HECW2: variants seen among roughly 807,000 people sequenced by gnomAD.
HECW2 encodes the protein E3 ubiquitin-protein ligase HECW2.
In HECW2, 61 loss-of-function variants were observed where a neutral mutation model predicts 175.2. The ratio of observed to expected loss-of-function variants is 0.35; its 90% confidence interval spans 0.28 to 0.43. The LOEUF (loss-of-function observed/expected upper bound fraction) is 0.43. HECW2 is among the 20% of genes least tolerant of loss of function. HECW2 has a pLI of 1.00. For synonymous variants in HECW2, 671 were observed against 731.0 expected (o/e 0.92, Z 1.32); for missense variants, 1,524 against 2,000.5 (o/e 0.76, Z 4.54).
chr2:196,245,143 A>G (rs1040202770), intron 19 of HECW2, among the ~76,000 whole-genome samples: 57 of 152,224 alleles, frequency 3.7e-4, no homozygotes, highest in African/African-American at 1.3e-3. Context: ...TAGATAAGCA[A>G]GAAAGAAGAA....
At chr2:196,362,017 G>A (rs1462661741) in intron 2 of HECW2, 37 of 985,288 alleles carry the variant, frequency 3.8e-5, no homozygotes, top group Admixed American at 6.2e-5. Context: ...TCCACTTCAC[G>A]GATGCTCCTG....
At chr2:196,264,863 G>C (rs534149136) in intron 17 of HECW2, among the ~76,000 whole-genome samples, 1 of 152,312 alleles carries the variant, frequency 6.6e-6, no homozygotes, top group East Asian at 1.9e-4. Flanking sequence ...ATAGATGACA[G>C]GTTCTAAGAA....
intron 1 of HECW2, among the ~76,000 whole-genome samples, chr2:196,588,224 C>T (rs544870259): frequency 7.7e-4 from 117 of 152,294 alleles, no homozygotes; most frequent in African/African-American, 2.8e-3. Context: ...GGTCAGAGAT[C>T]TTTGTTTTAT....
At chr2:196,295,107 T>C (rs1378717348) in intron 13 of HECW2, among the ~76,000 whole-genome samples, 1 of 152,174 alleles carries the variant, frequency 6.6e-6, no homozygotes, top group Non-Finnish European at 1.5e-5. Context: ...TTTTGAGTCA[T>C]ATTTCAACCG....
At chr2:196,373,660 A>G (rs1363824959) in intron 2 of HECW2, among the ~76,000 whole-genome samples, 1 of 152,210 alleles carries the variant, frequency 6.6e-6, no homozygotes, top group Non-Finnish European at 1.5e-5. Context: ...AAATTTAACA[A>G]CTTCCTTCAG....
At chr2:196,500,281 G>C (rs1687531629) in intron 1 of HECW2, among the ~76,000 whole-genome samples, 1 of 152,154 alleles carries the variant, frequency 6.6e-6, no homozygotes, top group Non-Finnish European at 1.5e-5. Flanking sequence ...GGAGGGGAGG[G>C]AAAGAAATTC....
At chr2:196,394,035 G>C (rs1375890537) in intron 2 of HECW2, among the ~76,000 whole-genome samples, 2 of 151,910 alleles carry the variant, frequency 1.3e-5, no homozygotes, top group Non-Finnish European at 1.5e-5. Context: ...CCATCATTCT[G>C]AGCAAACTAT....
At chr2:196,463,940 TGATC>T (rs1696845025) in intron 1 of HECW2, among the ~76,000 whole-genome samples, 1 of 152,188 alleles carries the variant, frequency 6.6e-6, no homozygotes, top group Non-Finnish European at 1.5e-5. Context: ...AGTACTATTT[TGATC>T]TACTTTCCCA....
At chr2:196,448,456 T>C (rs1244147338) in intron 1 of HECW2, among the ~76,000 whole-genome samples, 1 of 152,172 alleles carries the variant, frequency 6.6e-6, no homozygotes, top group East Asian at 1.9e-4. Flanking sequence ...GGCTTCTGGG[T>C]TACAACTGGG....
At chr2:196,410,741 T>G (rs1373639780) in intron 2 of HECW2, among the ~76,000 whole-genome samples, 1 of 152,220 alleles carries the variant, frequency 6.6e-6, no homozygotes, top group African/African-American at 2.4e-5. Flanking sequence ...AACAGGACAC[T>G]GAACTTCAGT....
Position 196,225,756 on chromosome 2 carries a change from A to G in HECW2, c.4016+16T>C, listed in dbSNP as rs374660066. On this transcript the variant is annotated intron_variant, in intron 23 of 28. Coordinates refer to ENST00000644978, the MANE Select transcript of HECW2 (RefSeq NM_001348768.2). ...ATTTTACATGCTAATTATGCAGGCA[A>G]TAAAAATATTCTTACATTCTGAGAA... 9.9e-5 allele frequency: 146 copies of G among 1,481,840 alleles called. No individual in the cohort carries two copies. The highest frequency in any genetic ancestry group is 1.3e-4 in the Non-Finnish European group (140 of 1,060,352). 91.8% of individuals were successfully genotyped at this position (1,481,840 alleles called of 1,614,324 possible).
chr2:196,277,401 T>C (rs1280862504), intron 15 of HECW2, among the ~76,000 whole-genome samples: 1 of 152,210 alleles, frequency 6.6e-6, no homozygotes, highest in Admixed American at 6.5e-5. Context: ...TTTAATGTAA[T>C]ATAGAAAACT....
At chr2:196,352,348 A>G (rs1408284507) in intron 2 of HECW2, among the ~76,000 whole-genome samples, 1 of 152,170 alleles carries the variant, frequency 6.6e-6, no homozygotes, top group Non-Finnish European at 1.5e-5. Flanking sequence ...ATTACTGGGT[A>G]GAAAAAAACA....
intron 28 of HECW2, among the ~76,000 whole-genome samples, chr2:196,203,162 GAT>G (rs952852680): frequency 1.1e-4 from 16 of 152,104 alleles, no homozygotes; most frequent in Non-Finnish European, 1.5e-5. Context: ...AGGGTATAGA[GAT>G]AGTACCGACT....
intron 17 of HECW2, chr2:196,263,773 A>G (rs907340024): frequency 6.6e-6 from 1 of 152,232 alleles, no homozygotes; most frequent in Non-Finnish European, 1.5e-5. Context: ...ATAAATAGAT[A>G]TAAGTTATCT....
At chr2:196,229,126 A>AT (rs1241637436) in intron 21 of HECW2, among the ~76,000 whole-genome samples, 4 of 152,220 alleles carry the variant, frequency 2.6e-5, no homozygotes, top group Non-Finnish European at 5.9e-5. Context: ...CGACCCTATG[A>AT]TAAAAAGTAT....
intron 1 of HECW2, among the ~76,000 whole-genome samples, chr2:196,572,371 C>T (rs995824709): frequency 4.6e-5 from 7 of 151,930 alleles, no homozygotes; most frequent in African/African-American, 9.7e-5. Context: ...TTTGTACAGA[C>T]GAAGTCATAC....
intron 2 of HECW2, among the ~76,000 whole-genome samples, chr2:196,369,811 G>C (rs1693857069): frequency 6.6e-6 from 1 of 152,108 alleles, no homozygotes; most frequent in African/African-American, 2.4e-5. Context: ...TACTGCCCTA[G>C]GTCCATGGTG....
At chr2:196,438,373 C>T (rs994843161) in intron 1 of HECW2, among the ~76,000 whole-genome samples, 8 of 152,160 alleles carry the variant, frequency 5.3e-5, no homozygotes, top group African/African-American at 1.7e-4. Flanking sequence ...TCACTATAGC[C>T]AAACTTATTG....
Sources: allele counts gnomAD v4.1 joint callset (sites outside exome capture counted in the v4.1 genomes callset), GRCh38; gene constraint gnomAD v4.1.1; transcripts MANE v1.5; gene names NCBI Gene and HGNC (gene_info 2026-07-23, HGNC 2026-07-21).